The following TG variants were observed in gnomAD, a reference collection of about 807,000 sequenced individuals.
The protein encoded by TG is thyroid hormones.
Under a neutral mutation model 324.7 loss-of-function variants are expected in TG, and 270 were observed. That is an observed-to-expected ratio of 0.83 (90% CI 0.75 to 0.92). The LOEUF (loss-of-function observed/expected upper bound fraction) is 0.92. TG is among the 40% of genes least tolerant of loss of function. TG has a pLI of 0.00. For missense variants in TG, 3,591 were observed against 3,456.4 expected (o/e 1.04, Z -0.98); for synonymous variants, 1,401 against 1,327.0 (o/e 1.06, Z -1.21).
intron 41 of TG, chr8:133,040,326 C>CGA: frequency 1.6e-6 from 1 of 608,162 alleles, no homozygotes; most frequent in Non-Finnish European, 2.9e-6. Flanking sequence ...TGTAAGCGTG[C>CGA]CCTGGTATAC....
At chr8:133,030,141 C>G in intron 41 of TG, 118 bp downstream of exon 41, 1 of 1,274,814 alleles carries the variant, frequency 7.8e-7, no homozygotes, top group Non-Finnish European at 1.1e-6. Flanking sequence ...GTCCTTTGTC[C>G]TGAGTGTGGA....
chr8:132,867,628 G>A (rs894514143), intron 1 of TG, among the ~76,000 whole-genome samples: 1 of 151,122 alleles, frequency 6.6e-6, no homozygotes, highest in African/African-American at 2.4e-5. Context: ...AGTTCTCAAT[G>A]GAAAAATAAG....
rs185856286 is a variant in TG at position 133,041,301 on chromosome 8, T to A, written c.7239+11278T>A. On this transcript the variant is annotated intron_variant, in intron 41 of 47. Transcript: ENST00000220616. ...GGTTTATGGAGTGCTCTCTGGGGCA[T>A]CCTTGCCAAAGAACAAAAGGAATTT... 3.9e-5 allele frequency among the ~76,000 whole-genome samples: 6 copies of A among 152,332 alleles called. No homozygotes were observed. The East Asian group carries it at 9.7e-4, about 25-fold the overall frequency.
chr8:132,872,335 G>A (rs1336107089), intron 4 of TG, among the ~76,000 whole-genome samples: 3 of 151,816 alleles, frequency 2.0e-5, no homozygotes, highest in East Asian at 1.9e-4. Flanking sequence ...AAAATTAGCC[G>A]GGCGTGGTGG....
intron 28 of TG, among the ~76,000 whole-genome samples, chr8:132,961,903 G>A (rs1457601060): frequency 6.6e-6 from 1 of 152,180 alleles, no homozygotes; most frequent in Non-Finnish European, 1.5e-5. Flanking sequence ...CACAGACTTG[G>A]AATGATGGGA....
chr8:133,057,745 T>C (rs920848436), intron 41 of TG, among the ~76,000 whole-genome samples: 4 of 144,110 alleles, frequency 2.8e-5, no homozygotes, highest in Admixed American at 1.4e-4. Flanking sequence ...AAGAATATTC[T>C]GGAAATCTTA....
chr8:132,872,966 T>A (rs982847621), intron 4 of TG, 96 bp from the exon 5 acceptor site: 16 of 1,310,480 alleles, frequency 1.2e-5, no homozygotes, highest in Non-Finnish European at 1.6e-5. Flanking sequence ...TCAGAGCTCA[T>A]CCCCATTGCT....
chr8:133,125,531 A>C (rs1166515057), intron 45 of TG, among the ~76,000 whole-genome samples: 4 of 152,246 alleles, frequency 2.6e-5, no homozygotes, highest in African/African-American at 7.2e-5. Flanking sequence ...TTCGTGTATT[A>C]AGCTGGAAGA....
intron 41 of TG, among the ~76,000 whole-genome samples, chr8:133,031,915 T>G (rs73708820): frequency 0.025 from 3,755 of 152,270 alleles, 149 homozygotes; most frequent in African/African-American, 0.086. Context: ...TGAGCCCTCT[T>G]TATATGGCTT....
intron 23 of TG, among the ~76,000 whole-genome samples, chr8:132,931,499 A>G (rs1237240556): frequency 1.3e-5 from 2 of 152,220 alleles, no homozygotes; most frequent in African/African-American, 4.8e-5. Flanking sequence ...GACTGGTAAG[A>G]AAACCAAGGC....
At chr8:133,033,191 T>A (rs1836791736) in intron 41 of TG, among the ~76,000 whole-genome samples, 1 of 152,328 alleles carries the variant, frequency 6.6e-6, no homozygotes, top group South Asian at 2.1e-4. Flanking sequence ...ATGAATTGTA[T>A]TTCCCAAGGT....
intron 40 of TG, among the ~76,000 whole-genome samples, chr8:133,023,732 G>A (rs1835761391): frequency 6.6e-6 from 1 of 152,174 alleles, no homozygotes; most frequent in South Asian, 2.1e-4. Flanking sequence ...TGTCTTGTTG[G>A]CTTAGAGCAT....
chr8:132,939,232 T>C (rs147194990), intron 25 of TG, among the ~76,000 whole-genome samples: 43 of 152,184 alleles, frequency 2.8e-4, no homozygotes, highest in African/African-American at 8.4e-4. Flanking sequence ...CTCATGACTA[T>C]TGAGCATTTG....
chr8:133,040,057 C>T, intron 41 of TG: 1 of 1,554,346 alleles, frequency 6.4e-7, no homozygotes, highest in Non-Finnish European at 8.7e-7. Flanking sequence ...AGCTGGAGGC[C>T]CTCACTGCTG....
chr8:132,964,708 T>A (rs908304199), intron 29 of TG: 2 of 588,296 alleles, frequency 3.4e-6, no homozygotes, highest in African/African-American at 3.7e-5. Flanking sequence ...ACAGTATTCA[T>A]TCTTTCATCC....
intron 20 of TG, among the ~76,000 whole-genome samples, chr8:132,917,599 A>G (rs1219491957): frequency 2.0e-5 from 3 of 152,092 alleles, no homozygotes; most frequent in African/African-American, 7.2e-5. Flanking sequence ...GAGGCCTTGG[A>G]GCACAGCAAG....
intron 8 of TG, 81 bp from the exon 9 acceptor site, chr8:132,886,366 CT>C: frequency 6.3e-7 from 1 of 1,578,114 alleles, no homozygotes; most frequent in Non-Finnish European, 8.7e-7. Context: ...TGGCTTCTTA[CT>C]ACCTAAAGGA....
At position 132,969,471 on chromosome 8, in the gene TG, T is replaced by G. The variant is rs752255731; in HGVS notation, c.5877T>G (p.Asp1959Glu). The stretch of plus-strand genomic sequence containing the variant: ...TCCTCTATGAAGTTATACTGGAAGA[T>G]AAAGTGAAGAACTTTTACACTCGCC... The part of the protein sequence containing the change: ...ALFRKKVILE[D>E]KVKNFYTRLP... Residue 1959 changes from aspartate to glutamate, a missense_variant, in exon 32 of 48, where the codon GAT becomes GAG. Physicochemically the swap from Asp to Glu is conservative, Grantham distance 45. Coordinates refer to ENST00000220616, the MANE Select transcript of TG (RefSeq NM_003235.5). 11 of 1,612,500 alleles carry G rather than the reference T, an allele frequency of 6.8e-6. No homozygotes were observed. In the Admixed American group the frequency reaches 1.3e-4, roughly 20 times the overall value.
chr8:133,116,460 G>T, intron 44 of TG, 149 bp from the exon 45 acceptor site: 2 of 701,090 alleles, frequency 2.9e-6, no homozygotes, highest in East Asian at 2.7e-5. Flanking sequence ...GGAGAGCATT[G>T]CTGGGGAATG....
Sources: gnomAD v4.1 joint callset for allele counts (sites outside exome capture counted in the v4.1 genomes callset) on GRCh38, gnomAD v4.1.1 for gene constraint, MANE v1.5 for transcripts, NCBI Gene and HGNC (gene_info 2026-07-23, HGNC 2026-07-21) for gene names.